Variants in PISD observed in about 807,000 individuals in gnomAD.
PISD encodes phosphatidylserine decarboxylase, also known as phosphatidylserine decarboxylase proenzyme, mitochondrial.
In PISD, 31 loss-of-function variants were observed where a neutral mutation model predicts 43.5. The ratio of observed to expected loss-of-function variants is 0.71; its 90% CI spans 0.54 to 0.96. The LOEUF (loss-of-function observed/expected upper bound fraction) is 0.96, where lower values mean the gene tolerates loss of function less well. PISD is among the 40% of genes least tolerant of loss of function. The pLI is 0.00. For missense variants in PISD, 523 were observed against 548.4 expected (o/e 0.95, Z 0.46); for synonymous variants, 259 against 228.7 (o/e 1.13, Z -1.20).
chr22:31,621,255 C>A, intron 5 of PISD, 79 bp downstream of exon 5: 1 of 1,610,458 alleles, frequency 6.2e-7, no homozygotes, highest in South Asian at 1.1e-5. Context: ...AGCCTCAGTT[C>A]CTTCCCCAGC....
At chr22:31,638,250 A>C (rs2073574749) in intron 3 of PISD, 1 of 391,460 alleles carries the variant, frequency 2.6e-6, no homozygotes, top group Non-Finnish European at 3.5e-6. Context: ...GTGACCGGGC[A>C]CAGCTCAGGC....
At chr22:31,657,245 T>C (rs1408445551) in intron 1 of PISD, among the ~76,000 whole-genome samples, 2 of 151,732 alleles carry the variant, frequency 1.3e-5, no homozygotes, top group Admixed American at 6.6e-5. Flanking sequence ...CAAGCAATTC[T>C]CTGCCTCAGC....
intron 1 of PISD, among the ~76,000 whole-genome samples, chr22:31,657,585 C>T (rs1166352463): frequency 5.3e-5 from 8 of 151,914 alleles, no homozygotes; most frequent in Non-Finnish European, 1.0e-4. Context: ...TGCAATGGCG[C>T]AATCTCAGCT....
Position 31,619,748 on chromosome 22 carries a change from A to G in PISD, c.1094T>C (p.Met365Thr). The change falls in exon 8 of 8, where the codon ATG becomes ACG. Residue 365 changes from methionine (M) to threonine (T), a missense_variant. Physicochemically the swap from Met to Thr is moderately conservative, Grantham distance 81. Transcript: ENST00000439502. The stretch of plus-strand genomic sequence containing the variant: ...CTCGCCCAGGTGCTCGCCCTTACGC[A>G]TGGGGACGCCCTCTCTATTGGTGTG... Reference protein sequence around the residue: ...VTHTNREGVPMRKGEHLGEFN... With the variant: ...VTHTNREGVPTRKGEHLGEFN... 1 of 1,614,166 alleles carries G rather than the reference A, an allele frequency of 6.2e-7. No homozygotes were observed. The highest frequency in any genetic ancestry group is 8.5e-7 in the Non-Finnish European group (1 of 1,179,974).
At chr22:31,632,789 A>G (rs1236958123) in intron 3 of PISD, among the ~76,000 whole-genome samples, 1 of 152,192 alleles carries the variant, frequency 6.6e-6, no homozygotes, top group African/African-American at 2.4e-5. Flanking sequence ...TCATAAATGC[A>G]TGTATAGCTC....
chr22:31,624,758 AG>A (rs2072799478), intron 3 of PISD, among the ~76,000 whole-genome samples: 1 of 100,354 alleles, frequency 1.0e-5, no homozygotes. Flanking sequence ...CACACACACG[AG>A]ACCCAAGCCC....
At chr22:31,657,731 C>T (rs767652949) in intron 1 of PISD, among the ~76,000 whole-genome samples, 1 of 151,302 alleles carries the variant, frequency 6.6e-6, no homozygotes, top group Non-Finnish European at 1.5e-5. Flanking sequence ...TTGTTGGCCA[C>T]GCTGGTGTTG....
rs758883380 is a variant in PISD at position 31,630,226 on chromosome 22, C to T, written c.322-8341G>A. Reference sequence around the variant, plus strand: ...GAGGGCAGGCAGGACTCGCAGGGGTCTATCCTAGCCGCCCAAAGACAGGGA... The same window carrying T: ...GAGGGCAGGCAGGACTCGCAGGGGTTTATCCTAGCCGCCCAAAGACAGGGA... On this transcript the variant is annotated intron_variant, in intron 3 of 7. Transcript: ENST00000439502. The surrounding 1 kb of genome is among the most constrained non-coding windows in gnomAD (Gnocchi z 4.4). 2.6e-5 allele frequency among the ~76,000 whole-genome samples: 4 copies of T among 152,098 alleles called. No individual in the cohort carries two copies. The highest frequency in any genetic ancestry group is 5.9e-5 in the Non-Finnish European group (4 of 67,988).
chr22:31,635,388 T>C (rs988580990), intron 3 of PISD, among the ~76,000 whole-genome samples: 39 of 151,856 alleles, frequency 2.6e-4, no homozygotes, highest in Admixed American at 6.6e-5. Flanking sequence ...CCACAACCTC[T>C]GCCTCCCGGG....
At chr22:31,642,584 G>A (rs1175384161) in intron 3 of PISD, among the ~76,000 whole-genome samples, 2 of 150,226 alleles carry the variant, frequency 1.3e-5, no homozygotes, top group African/African-American at 5.0e-5. Flanking sequence ...CACAAGGTCA[G>A]GAAATTGAGA....
chr22:31,637,654 A>G (rs1326945565), intron 3 of PISD, among the ~76,000 whole-genome samples: 2 of 152,118 alleles, frequency 1.3e-5, no homozygotes, highest in African/African-American at 4.8e-5. Context: ...CATTTTCCAG[A>G]GCAAAGAAGA....
intron 3 of PISD, chr22:31,623,716 G>T: frequency 6.2e-7 from 1 of 1,614,100 alleles, no homozygotes. Flanking sequence ...ACCCGGCTGA[G>T]CGGTCTGAGG....
At chr22:31,648,567 G>A (rs1208117855) in intron 2 of PISD, among the ~76,000 whole-genome samples, 2 of 152,124 alleles carry the variant, frequency 1.3e-5, no homozygotes, top group Middle Eastern at 3.4e-3. Flanking sequence ...CTACTCGGGA[G>A]GCTGAGGCAG....
In PISD at chr22:31,619,248, G is replaced by T. The variant is rs1310804218; in HGVS notation, c.*364C>A. ...GCCAACAGAAAACAGCTCAGGTGATGGGGGGAGGAGCAGCAAGAAAAAACG... is the reference window on the plus strand; with the variant it reads ...GCCAACAGAAAACAGCTCAGGTGATTGGGGGAGGAGCAGCAAGAAAAAACG... On this transcript the variant is annotated 3_prime_UTR_variant, in exon 8 of 8. Coordinates refer to ENST00000439502, the MANE Select transcript of PISD (RefSeq NM_001326411.2). 17 of 348,630 alleles carry T rather than the reference G, an allele frequency of 4.9e-5. No individual in the cohort carries two copies. The highest frequency in any genetic ancestry group is 3.6e-4 in the South Asian group (16 of 44,150). The allele number at this position is 348,630 out of a possible 1,614,324, so 21.6% of individuals were successfully genotyped here. A position where few individuals can be genotyped will look rare whatever the true frequency, so the allele number is the denominator to read the frequency against.
rs565981456 is a variant in PISD, at chr22:31,633,213, G to C, written c.322-11328C>G. Among the ~76,000 whole-genome samples, 228 of 152,192 alleles carry C rather than the reference G, an allele frequency of 1.5e-3. 1 individual carries two copies. The highest frequency in any genetic ancestry group is 2.4e-3 in the Non-Finnish European group (160 of 68,012). Reference sequence around the variant, plus strand: ...TACAGACCAGCCCACACAGGTCCCTGGGGACGGAACAAAACCAAGCCCCAG... The same window carrying C: ...TACAGACCAGCCCACACAGGTCCCTCGGGACGGAACAAAACCAAGCCCCAG... On this transcript the variant is annotated intron_variant, in intron 3 of 7. Transcript: ENST00000439502.
At chr22:31,635,300 A>C (rs1433296582) in intron 3 of PISD, among the ~76,000 whole-genome samples, 2 of 152,138 alleles carry the variant, frequency 1.3e-5, no homozygotes, top group Non-Finnish European at 2.9e-5. Flanking sequence ...CCTTGTGTTT[A>C]AGTTCCATGT....
intron 3 of PISD, among the ~76,000 whole-genome samples, chr22:31,634,627 G>C (rs910471659): frequency 2.6e-5 from 4 of 152,002 alleles, no homozygotes; most frequent in African/African-American, 4.8e-5. Flanking sequence ...CACCTGAGGT[G>C]AGAAGTTCAA....
Position 31,623,462 on chromosome 22 carries a change from C to T in PISD, c.322-1577G>A, listed in dbSNP as rs546320192. Among the ~76,000 whole-genome samples, 17 of 152,352 alleles carry T rather than the reference C, an allele frequency of 1.1e-4. No homozygotes were observed. The South Asian group carries it at 3.5e-3, about 32-fold the overall frequency. On this transcript the variant is annotated intron_variant, in intron 3 of 7. Coordinates refer to ENST00000439502, the MANE Select transcript of PISD (RefSeq NM_001326411.2). The stretch of plus-strand genomic sequence containing the variant: ...ACATGAGGCAGGCTAGGGGAGTGGG[C>T]AGGGCACGACATGCCCTCGCAGTCA...
At position 31,622,722 on chromosome 22, in the gene PISD, G is replaced by A. The variant is rs537629799; in HGVS notation, c.322-837C>T. 2.4e-4 allele frequency among the ~76,000 whole-genome samples: 37 copies of A among 152,342 alleles called. No individual in the cohort carries two copies. The South Asian group carries it at 5.0e-3, about 20-fold the overall frequency. ...GAAGCCTGGAGCACCTAAGACAGAC[G>A]ATGGCCTGGGGACAAGCACTGGGTC... On this transcript the variant is annotated intron_variant, in intron 3 of 7. Coordinates refer to ENST00000439502, the MANE Select transcript of PISD (RefSeq NM_001326411.2).
Sources: allele counts gnomAD v4.1 joint callset (sites outside exome capture counted in the v4.1 genomes callset), GRCh38; gene constraint gnomAD v4.1.1; non-coding constraint Gnocchi (gnomAD v3.1); transcripts MANE v1.5; gene names NCBI Gene and HGNC (gene_info 2026-07-23, HGNC 2026-07-21).